The following PALM2AKAP2 variants were observed in gnomAD, a reference collection of about 807,000 sequenced individuals.
The protein encoded by PALM2AKAP2 is PALM2 and AKAP2 fusion.
In PALM2AKAP2, 37 loss-of-function variants were observed where a neutral mutation model predicts 71.5. That is an observed-to-expected ratio of 0.52 (90% CI 0.40 to 0.68). The LOEUF is 0.68. PALM2AKAP2 is among the 30% of genes least tolerant of loss of function. The probability of loss-of-function intolerance (pLI) is 0.00; values close to 1 mark genes in which losing one functional copy is unlikely to be tolerated. For missense variants in PALM2AKAP2, 1,224 were observed against 1,191.8 expected (o/e 1.03, Z -0.40); for synonymous variants, 468 against 478.8 (o/e 0.98, Z 0.29).
intron 1 of PALM2AKAP2, among the ~76,000 whole-genome samples, chr9:109,761,587 A>AT (rs1829053724): frequency 1.3e-5 from 2 of 152,094 alleles, no homozygotes; most frequent in South Asian, 4.1e-4. Context: ...ACGTGTTCTC[A>AT]TTGTTCACCT....
chr9:110,135,164 A>AAATATATATATATAT, intron 1 of PALM2AKAP2, among the ~76,000 whole-genome samples: 4 of 51,716 alleles, frequency 7.7e-5, no homozygotes, highest in Non-Finnish European at 1.1e-4. Context: ...AAAAAAAAAA[A>AAATATATATATATAT]ATATATAAAT....
chr9:109,728,958 G>A (rs1268275250), intron 1 of PALM2AKAP2, among the ~76,000 whole-genome samples: 1 of 152,148 alleles, frequency 6.6e-6, no homozygotes. Flanking sequence ...AATAATATAT[G>A]TGCTGAGAAA....
chr9:109,878,095 C>T (rs192058663), intron 2 of PALM2AKAP2, among the ~76,000 whole-genome samples: 48 of 152,262 alleles, frequency 3.2e-4, no homozygotes, highest in South Asian at 1.2e-3. Context: ...AAAGAGCAAC[C>T]GATTTGCCCC....
intron 7 of PALM2AKAP2, among the ~76,000 whole-genome samples, chr9:110,037,650 T>A (rs765036251): frequency 2.6e-5 from 4 of 152,128 alleles, no homozygotes; most frequent in Non-Finnish European, 4.4e-5. Context: ...AATACTATCA[T>A]ATGAAAGATG....
intron 1 of PALM2AKAP2, among the ~76,000 whole-genome samples, chr9:109,807,194 T>C (rs948772850): frequency 6.6e-6 from 1 of 152,082 alleles, no homozygotes; most frequent in Non-Finnish European, 1.5e-5. Context: ...GGTAAGCAAC[T>C]AGAAGGATGG....
chr9:110,172,327 G>A (rs1324469949), exon 4 of PALM2AKAP2: 1 of 152,070 alleles, frequency 6.6e-6, no homozygotes, highest in Non-Finnish European at 1.5e-5. Flanking sequence ...TTCTTTTTTT[G>A]GGGGAGGAGG....
intron 1 of PALM2AKAP2, among the ~76,000 whole-genome samples, chr9:109,656,439 A>C (rs946829828): frequency 1.3e-5 from 2 of 152,202 alleles, no homozygotes; most frequent in African/African-American, 4.8e-5. Flanking sequence ...CATCCCTTGA[A>C]AACACATTAC....
intron 1 of PALM2AKAP2, among the ~76,000 whole-genome samples, chr9:109,676,638 A>C (rs1827652869): frequency 6.6e-6 from 1 of 152,160 alleles, no homozygotes; most frequent in Admixed American, 6.5e-5. Flanking sequence ...ATAGATGAGA[A>C]AAGAGAAAAG....
chr9:109,928,675 C>CTTT (rs35829270), intron 5 of PALM2AKAP2, among the ~76,000 whole-genome samples: 43 of 143,138 alleles, frequency 3.0e-4, no homozygotes, highest in East Asian at 1.0e-3. Flanking sequence ...CTCTCGCTCT[C>CTTT]TTTTTTTTTT....
intron 7 of PALM2AKAP2, among the ~76,000 whole-genome samples, chr9:110,021,014 G>A (rs1456695278): frequency 6.6e-6 from 1 of 151,998 alleles, no homozygotes; most frequent in Non-Finnish European, 1.5e-5. Flanking sequence ...GCTGAAGCAC[G>A]AGAATCATTT....
chr9:109,909,313 T>G (rs1830520486), intron 3 of PALM2AKAP2, among the ~76,000 whole-genome samples: 1 of 152,208 alleles, frequency 6.6e-6, no homozygotes, highest in South Asian at 2.1e-4. Flanking sequence ...CTGTTGTTTT[T>G]ACTAAGTCCA....
intron 2 of PALM2AKAP2, among the ~76,000 whole-genome samples, chr9:110,154,385 C>A (rs529454679): frequency 6.6e-6 from 1 of 152,144 alleles, no homozygotes; most frequent in South Asian, 2.1e-4. Context: ...GTTTCTTAAG[C>A]CTTCAATTAA....
At chr9:110,058,898 G>GGTT (rs1833901624) in intron 1 of PALM2AKAP2, among the ~76,000 whole-genome samples, 1 of 111,736 alleles carries the variant, frequency 8.9e-6, no homozygotes, top group Admixed American at 1.1e-4. Context: ...AAGTTTTTTG[G>GGTT]TTTTTTTTTT....
intron 1 of PALM2AKAP2, among the ~76,000 whole-genome samples, chr9:109,698,979 G>A (rs76995723): frequency 0.042 from 6,454 of 152,256 alleles, 185 homozygotes; most frequent in Non-Finnish European, 0.053. Context: ...TAAGTAATTT[G>A]ACTACATAAC....
At chr9:110,100,733 G>A (rs910530509) in intron 1 of PALM2AKAP2, among the ~76,000 whole-genome samples, 1 of 152,182 alleles carries the variant, frequency 6.6e-6, no homozygotes, top group South Asian at 2.1e-4. Flanking sequence ...AACTGTCTTT[G>A]TAGAGATCCT....
At chr9:109,684,824 A>G (rs1827785861) in intron 1 of PALM2AKAP2, among the ~76,000 whole-genome samples, 1 of 152,244 alleles carries the variant, frequency 6.6e-6, no homozygotes, top group South Asian at 2.1e-4. Flanking sequence ...GTGAAAACAT[A>G]TAAGCATACA....
Position 109,974,002 on chromosome 9 carries a change from A to G in PALM2AKAP2, c.497-41952A>G, listed in dbSNP as rs536006917. 2.0e-5 allele frequency among the ~76,000 whole-genome samples: 3 copies of G among 152,340 alleles called. No individual in the cohort carries two copies. In the South Asian group the frequency reaches 6.2e-4, roughly 32 times the overall value. On this transcript the variant is annotated intron_variant, in intron 6 of 9. Coordinates refer to the PALM2AKAP2 transcript ENST00000302798. ...CAAGACAGACACTCTTCCTACTCTC[A>G]TGGAGTTTAGAGTCCAAAGGAAGAG...
At chr9:109,976,775 T>C (rs543758486) in intron 6 of PALM2AKAP2, among the ~76,000 whole-genome samples, 1 of 152,326 alleles carries the variant, frequency 6.6e-6, no homozygotes, top group Admixed American at 6.5e-5. Context: ...TGGGCACTAC[T>C]CTTATTTCTG....
chr9:110,045,191 A>G (rs919871683), upstream of PALM2AKAP2, among the ~76,000 whole-genome samples: 33 of 152,126 alleles, frequency 2.2e-4, no homozygotes, highest in Non-Finnish European at 4.1e-4. Context: ...AAAAATTTCC[A>G]TGGAAGATTT....
Sources: gnomAD v4.1 joint callset for allele counts (sites outside exome capture counted in the v4.1 genomes callset) on GRCh38, gnomAD v4.1.1 for gene constraint, MANE v1.5 for transcripts, NCBI Gene and HGNC (gene_info 2026-07-23, HGNC 2026-07-21) for gene names.